Variants in DOCK10 observed in about 807,000 individuals in gnomAD.
The protein encoded by DOCK10 is dedicator of cytokinesis 10.
DOCK10 carries 145 observed loss-of-function variants against 280.1 expected under a neutral mutation model. The ratio of observed to expected loss-of-function variants is 0.52; its 90% CI spans 0.45 to 0.59. The LOEUF (loss-of-function observed/expected upper bound fraction) is 0.59. DOCK10 is among the 20% of genes least tolerant of loss of function. DOCK10 has a pLI of 0.00. For synonymous variants in DOCK10, 915 were observed against 942.2 expected (o/e 0.97, Z 0.53); for missense variants, 2,368 against 2,651.7 (o/e 0.89, Z 2.35).
At chr2:224,938,462 C>T (rs1702822959) in intron 1 of DOCK10, among the ~76,000 whole-genome samples, 2 of 152,178 alleles carry the variant, frequency 1.3e-5, no homozygotes, top group African/African-American at 2.4e-5. Context: ...ATTCTCTTCA[C>T]ATCTTGACAC....
At chr2:224,929,227 T>A (rs1425455208) in intron 2 of DOCK10, among the ~76,000 whole-genome samples, 1 of 152,240 alleles carries the variant, frequency 6.6e-6, no homozygotes, top group Non-Finnish European at 1.5e-5. Context: ...TTGTTTGGAA[T>A]AAGTAAATCT....
intron 27 of DOCK10, among the ~76,000 whole-genome samples, chr2:224,827,285 GA>G (rs1694933226): frequency 6.7e-6 from 1 of 148,380 alleles, no homozygotes; most frequent in South Asian, 2.1e-4. Flanking sequence ...AAAAAGTAAA[GA>G]AAAAAGATGA....
rs1164642408 is a variant in DOCK10, at chr2:224,792,957, G to A, written c.5311+17C>T. 1 of 1,572,960 alleles carries A rather than the reference G, an allele frequency of 6.4e-7. No individual in the cohort carries two copies. The highest frequency in any genetic ancestry group is 8.7e-7 in the Non-Finnish European group (1 of 1,143,792). On this transcript the variant is annotated intron_variant, in intron 47 of 55. Transcript: ENST00000258390. ...ATTTCCTCTGCATTGGGATAAATGAGCAGTTAGGTCACTCACTTCCTCCAC... is the reference window on the plus strand; with the variant it reads ...ATTTCCTCTGCATTGGGATAAATGAACAGTTAGGTCACTCACTTCCTCCAC...
chr2:224,954,498 G>T (rs1394212346), intron 1 of DOCK10, among the ~76,000 whole-genome samples: 1 of 152,084 alleles, frequency 6.6e-6, no homozygotes, highest in Non-Finnish European at 1.5e-5. Context: ...CTGTCTTCGA[G>T]AAGTCATGTG....
chr2:224,907,428 C>T (rs1259358591), intron 3 of DOCK10, among the ~76,000 whole-genome samples: 2 of 152,168 alleles, frequency 1.3e-5, no homozygotes, highest in Non-Finnish European at 2.9e-5. Flanking sequence ...TGGCTCACGC[C>T]TGTAATCTCA....
intron 39 of DOCK10, among the ~76,000 whole-genome samples, 183 bp downstream of exon 39, chr2:224,803,929 C>T (rs372310558): frequency 3.3e-5 from 5 of 151,906 alleles, no homozygotes; most frequent in Middle Eastern, 3.4e-3. Context: ...AGTAAAGTAT[C>T]TAAGAAGTTT....
chr2:224,836,437 A>G (rs1457180751), intron 25 of DOCK10, among the ~76,000 whole-genome samples: 1 of 152,204 alleles, frequency 6.6e-6, no homozygotes, highest in Non-Finnish European at 1.5e-5. Flanking sequence ...TAAAAAGGGC[A>G]CATACTCATG....
chr2:224,785,294 T>C (rs1310151733), intron 50 of DOCK10, among the ~76,000 whole-genome samples: 1 of 147,236 alleles, frequency 6.8e-6, no homozygotes, highest in Non-Finnish European at 1.5e-5. Context: ...TAAATTTGCT[T>C]TTTTTTTTGG....
intron 7 of DOCK10, among the ~76,000 whole-genome samples, chr2:224,877,685 C>A (rs1325834481): frequency 6.6e-6 from 1 of 152,160 alleles, no homozygotes; most frequent in Non-Finnish European, 1.5e-5. Flanking sequence ...GATTTGAAAT[C>A]TGTAGAAAGG....
intron 1 of DOCK10, among the ~76,000 whole-genome samples, chr2:224,951,060 A>G (rs1703699526): frequency 6.6e-6 from 1 of 152,134 alleles, no homozygotes; most frequent in African/African-American, 2.4e-5. Context: ...AAAACTAAGG[A>G]CCTTGCAGTT....
intron 40 of DOCK10, among the ~76,000 whole-genome samples, chr2:224,801,350 T>C (rs932984137): frequency 4.0e-5 from 6 of 150,990 alleles, no homozygotes; most frequent in Non-Finnish European, 7.4e-5. Context: ...ATCTGTCATG[T>C]GATGTTATGC....
intron 1 of DOCK10, chr2:224,982,372 T>C: frequency 1.6e-6 from 2 of 1,231,890 alleles, no homozygotes; most frequent in Non-Finnish European, 2.0e-6. Flanking sequence ...AGCCCATCGC[T>C]GCATCCTGGA....
intron 7 of DOCK10, among the ~76,000 whole-genome samples, chr2:224,879,293 C>T (rs1487637228): frequency 6.6e-6 from 1 of 152,184 alleles, no homozygotes; most frequent in Non-Finnish European, 1.5e-5. Flanking sequence ...TCCACGTGTC[C>T]TCACACACAG....
rs756681191 is a variant in DOCK10 at position 224,805,110 on chromosome 2, A to T, written c.4066T>A (p.Tyr1356Asn). 10 of 1,611,400 alleles carry T rather than the reference A, an allele frequency of 6.2e-6. No homozygotes were observed. The Admixed American group carries it at 1.7e-4, about 27-fold the overall frequency. Residue 1356 changes from tyrosine (Y) to asparagine (N), a missense_variant, in exon 37 of 56, where the codon TAC becomes AAC. Physicochemically the swap from Tyr to Asn is moderately radical, Grantham distance 143 (BLOSUM62 -2). Coordinates refer to ENST00000258390, the MANE Select transcript of DOCK10 (RefSeq NM_014689.3). This position sits in a 1 kb window ranked among gnomAD's most constrained non-coding sequence, Gnocchi z 4.3. ...TCTGGGCTGGGAGCTCTCTGCCAGT[A>T]GGCAATCAGAGTCTCTAAAAGGAAA... The part of the protein sequence containing the change: ...KTISYETLIA[Y>N]WQRAPSPEVS...
intron 3 of DOCK10, among the ~76,000 whole-genome samples, chr2:224,913,783 A>G (rs1219145374): frequency 6.6e-6 from 1 of 152,090 alleles, no homozygotes; most frequent in Non-Finnish European, 1.5e-5. Flanking sequence ...GCTGGAGTGC[A>G]GTGGCACAAT....
chr2:225,012,513 A>G (rs1207826900), intron 1 of DOCK10, among the ~76,000 whole-genome samples: 3 of 152,160 alleles, frequency 2.0e-5, no homozygotes, highest in Non-Finnish European at 4.4e-5. Flanking sequence ...TCTTTAATAT[A>G]CTTGTATAGT....
intron 1 of DOCK10, among the ~76,000 whole-genome samples, chr2:225,009,339 T>G (rs1024704044): frequency 1.3e-5 from 2 of 152,084 alleles, no homozygotes; most frequent in Non-Finnish European, 2.9e-5. Context: ...TCTATAACAG[T>G]AAAACCTTAA....
chr2:224,801,731 T>A (rs1236462326), intron 40 of DOCK10, among the ~76,000 whole-genome samples, 185 bp downstream of exon 40: 1 of 152,012 alleles, frequency 6.6e-6, no homozygotes, highest in Non-Finnish European at 1.5e-5. Context: ...GTTTTGCCTC[T>A]CCCCTTTCTT....
intron 44 of DOCK10, among the ~76,000 whole-genome samples, chr2:224,795,958 T>G (rs899671343): frequency 7.9e-5 from 12 of 152,158 alleles, no homozygotes; most frequent in African/African-American, 2.9e-4. Context: ...GCTTAAAGTG[T>G]AAGAGCTGCT....
Sources: gnomAD v4.1 joint callset for allele counts (sites outside exome capture counted in the v4.1 genomes callset) on GRCh38, gnomAD v4.1.1 for gene constraint, Gnocchi (gnomAD v3.1) non-coding constraint, MANE v1.5 for transcripts, NCBI Gene and HGNC (gene_info 2026-07-23, HGNC 2026-07-21) for gene names.